Variants in WDFY2 observed in about 807,000 individuals in gnomAD.
WDFY2 encodes the protein WD repeat and FYVE domain-containing protein 2.
A neutral mutation model predicts 56.4 loss-of-function variants in WDFY2; 36 were observed. The ratio of observed to expected loss-of-function variants is 0.64; its 90% CI spans 0.49 to 0.84. The LOEUF is 0.84. Among genes scored for constraint, WDFY2 ranks in the 40% least tolerant of loss-of-function variants. The pLI, the probability that WDFY2 is intolerant of heterozygous loss-of-function variation, is 0.00. For synonymous variants in WDFY2, 176 were observed against 183.7 expected (o/e 0.96, Z 0.34); for missense variants, 444 against 512.2 (o/e 0.87, Z 1.29).
intron 4 of WDFY2, among the ~76,000 whole-genome samples, chr13:51,705,364 T>C (rs779055967): frequency 1.3e-5 from 2 of 152,328 alleles, no homozygotes; most frequent in African/African-American, 2.4e-5. Flanking sequence ...TAACATTTAC[T>C]GTTTTAAGGC....
chr13:51,630,935 C>T (rs1036043484), intron 1 of WDFY2, among the ~76,000 whole-genome samples: 8 of 151,372 alleles, frequency 5.3e-5, no homozygotes, highest in African/African-American at 9.7e-5. Flanking sequence ...TGTGCCACCA[C>T]GCCCAGCTAA....
chr13:51,685,110 T>A (rs887440067), intron 3 of WDFY2, among the ~76,000 whole-genome samples: 3 of 152,164 alleles, frequency 2.0e-5, no homozygotes, highest in Non-Finnish European at 2.9e-5. Flanking sequence ...TTCACTGACC[T>A]CCTGCCGCCT....
At chr13:51,687,271 C>T (rs899821027) in intron 3 of WDFY2, among the ~76,000 whole-genome samples, 4 of 151,728 alleles carry the variant, frequency 2.6e-5, no homozygotes, top group South Asian at 2.1e-4. Context: ...ATATACCCTC[C>T]CCTGCTGAAA....
chr13:51,739,101 C>T lies in WDFY2; in HGVS notation c.651C>T (p.Gly217=). Residue 217 remains glycine, a synonymous_variant, in exon 7 of 12, where the codon GGC becomes GGT. Coordinates refer to ENST00000298125, the MANE Select transcript of WDFY2 (RefSeq NM_052950.4). The stretch of plus-strand genomic sequence containing the variant: ...CAGTCCAGCGGGTGTTGTTCTCAGG[C>T]AGTTCAGATCACTCTGTCATCATGT... ...WDPVQRVLFS[G]SSDHSVIMWD... The T allele has an allele frequency of 6.2e-7, 1 of 1,602,856 alleles. No individual in the cohort carries two copies. The highest frequency in any genetic ancestry group is 8.5e-7 in the Non-Finnish European group (1 of 1,174,956).
chr13:51,673,323 T>C (rs1566104971), intron 2 of WDFY2, among the ~76,000 whole-genome samples: 1 of 152,184 alleles, frequency 6.6e-6, no homozygotes, highest in Non-Finnish European at 1.5e-5. Context: ...AGGAAATACT[T>C]TTAGATGGTC....
intron 1 of WDFY2, among the ~76,000 whole-genome samples, chr13:51,652,583 CT>C (rs1292044786): frequency 1.3e-5 from 2 of 152,064 alleles, no homozygotes; most frequent in Non-Finnish European, 2.9e-5. Flanking sequence ...TTCAGGAGCT[CT>C]TTTAGGGCAG....
At chr13:51,613,158 T>C (rs1268463586) in intron 1 of WDFY2, among the ~76,000 whole-genome samples, 2 of 151,894 alleles carry the variant, frequency 1.3e-5, no homozygotes, top group Admixed American at 6.6e-5. Context: ...TCATCATGCC[T>C]GTGCATAGCC....
At chr13:51,722,870 T>G (rs1181123845) in intron 5 of WDFY2, among the ~76,000 whole-genome samples, 1 of 152,256 alleles carries the variant, frequency 6.6e-6, no homozygotes, top group Non-Finnish European at 1.5e-5. Flanking sequence ...GTGAATACTT[T>G]ATCCAGCGTC....
At chr13:51,665,750 G>A (rs182217097) in intron 2 of WDFY2, among the ~76,000 whole-genome samples, 94 of 152,278 alleles carry the variant, frequency 6.2e-4, no homozygotes, top group Non-Finnish European at 1.5e-5. Context: ...GAGAGGGCTG[G>A]AACCTCAGGC....
chr13:51,612,165 A>T lies in WDFY2; in HGVS notation c.137+27341A>T, dbSNP rs138053694. ...CTTTACATGGAATGATCATCATTAG[A>T]TGGTGAATTCACTTGTGAAGCTAGG... On this transcript the variant is annotated intron_variant, in intron 1 of 11. Transcript: ENST00000298125. Among the ~76,000 whole-genome samples, 757 of 152,260 alleles carry T rather than the reference A, an allele frequency of 5.0e-3. 5 individuals carry two copies. The highest frequency in any genetic ancestry group is 0.014 in the African/African-American group (596 of 41,552).
At chr13:51,635,222 C>T (rs951297854) in intron 1 of WDFY2, among the ~76,000 whole-genome samples, 26 of 152,190 alleles carry the variant, frequency 1.7e-4, no homozygotes, top group African/African-American at 6.0e-4. Flanking sequence ...GGGATTACAG[C>T]GTGAGCTACT....
Position 51,621,483 on chromosome 13 carries a change from C to T in WDFY2, c.137+36659C>T, listed in dbSNP as rs113840796. Among the ~76,000 whole-genome samples the T allele has an allele frequency of 7.5e-3, 1,136 of 152,058 alleles. 4 individuals carry two copies. The highest frequency in any genetic ancestry group is 0.012 in the Non-Finnish European group (791 of 67,990). On this transcript the variant is annotated intron_variant, in intron 1 of 11. Coordinates refer to ENST00000298125, the MANE Select transcript of WDFY2 (RefSeq NM_052950.4). Reference sequence around the variant, plus strand: ...TCGCGCCACTGCACTGCAGCTTGGGCGACAAGAGTGAAACTTCGTCTCAAA... The same window carrying T: ...TCGCGCCACTGCACTGCAGCTTGGGTGACAAGAGTGAAACTTCGTCTCAAA...
chr13:51,685,639 C>T (rs569999176), intron 3 of WDFY2, among the ~76,000 whole-genome samples: 5 of 152,186 alleles, frequency 3.3e-5, no homozygotes, highest in Non-Finnish European at 5.9e-5. Flanking sequence ...ATCCTATTCA[C>T]GTTGAGTAGG....
intron 2 of WDFY2, among the ~76,000 whole-genome samples, chr13:51,666,549 T>G (rs180963039): frequency 6.6e-6 from 1 of 152,274 alleles, no homozygotes; most frequent in Non-Finnish European, 1.5e-5. Context: ...CTCTTCTGTT[T>G]ATTCCAGTGG....
rs565715046 is a variant in WDFY2, at chr13:51,584,494, C to A, written c.-194C>A. The A allele has an allele frequency of 4.3e-6, 3 of 692,050 alleles. No individual in the cohort carries two copies. Among genetic ancestry groups the A allele is most frequent in the South Asian group, 4.6e-5 (2 of 43,734 alleles). The allele number at this position is 692,050 out of a possible 1,614,324, so 42.9% of individuals were successfully genotyped here. Reference sequence around the variant, plus strand: ...CGCCGGCTTGCATCCCAGGTCGTGGCGGTTTTGGTGCCTGAAGCAGGGAGC... The same window carrying A: ...CGCCGGCTTGCATCCCAGGTCGTGGAGGTTTTGGTGCCTGAAGCAGGGAGC... On this transcript the variant is annotated 5_prime_UTR_variant, in exon 1 of 12. Coordinates refer to ENST00000298125, the MANE Select transcript of WDFY2 (RefSeq NM_052950.4).
In WDFY2 at chr13:51,719,252, T is replaced by C; in HGVS notation, c.389T>C (p.Leu130Pro). 1 of 1,614,202 alleles carries C rather than the reference T, an allele frequency of 6.2e-7. No homozygotes were observed. The change falls in exon 5 of 12, where the codon CTG (leucine) becomes CCG (proline). Residue 130 changes from leucine to proline, a missense_variant. Leu to Pro is a moderately conservative substitution (Grantham distance 98). Transcript: ENST00000298125. ...TTTGTCCTGGAGCTGGAGTGGGTGC[T>C]GAGCACAGGACAGGACAAGCAATTT... ...ILFVLELEWVLSTGQDKQFAW... is the reference protein window; with the variant it reads ...ILFVLELEWVPSTGQDKQFAW...
intron 3 of WDFY2, among the ~76,000 whole-genome samples, chr13:51,677,214 C>CA (rs1376110071): frequency 6.6e-6 from 1 of 152,170 alleles, no homozygotes. Flanking sequence ...GTTGAGACAT[C>CA]AAACCTTAAC....
chr13:51,619,645 A>G (rs1954688745), intron 1 of WDFY2, among the ~76,000 whole-genome samples: 1 of 152,222 alleles, frequency 6.6e-6, no homozygotes, highest in Admixed American at 6.5e-5. Context: ...AAGTCCTGTT[A>G]AAAGAAAAAC....
intron 4 of WDFY2, among the ~76,000 whole-genome samples, chr13:51,704,314 T>C (rs1452333651): frequency 2.0e-5 from 3 of 152,228 alleles, no homozygotes; most frequent in Non-Finnish European, 4.4e-5. Flanking sequence ...GAGCTAAAAT[T>C]TATTTCTCTT....
Sources: gnomAD v4.1 joint callset for allele counts (sites outside exome capture counted in the v4.1 genomes callset) on GRCh38, gnomAD v4.1.1 for gene constraint, MANE v1.5 for transcripts, NCBI Gene and HGNC (gene_info 2026-07-23, HGNC 2026-07-21) for gene names.